Variants in PCDH9 observed in about 807,000 individuals in gnomAD.
The protein encoded by PCDH9 is protocadherin 9.
Under a neutral mutation model 70.6 loss-of-function variants are expected in PCDH9, and 24 were observed. The ratio of observed to expected loss-of-function variants is 0.34; its 90% CI spans 0.25 to 0.48. The LOEUF (loss-of-function observed/expected upper bound fraction) is 0.48, where lower values mean the gene tolerates loss of function less well. Among genes scored for constraint, PCDH9 ranks in the 20% least tolerant of loss-of-function variants. The probability of loss-of-function intolerance (pLI) is 0.99; values close to 1 mark genes in which losing one functional copy is unlikely to be tolerated. For synonymous variants in PCDH9, 562 were observed against 558.5 expected, an observed-to-expected ratio of 1.01 and a Z score of -0.09; for missense variants, 1,281 against 1,503.6, an observed-to-expected ratio of 0.85 and a Z score of 2.45.
At chr13:66,511,734 G>A (rs1959482209) in intron 4 of PCDH9, among the ~76,000 whole-genome samples, 1 of 152,076 alleles carries the variant, frequency 6.6e-6, no homozygotes, top group Non-Finnish European at 1.5e-5. Context: ...GATTCTGTAA[G>A]TGTGTGTGGT....
chr13:66,861,902 G>GA lies in PCDH9; in HGVS notation c.3138+41601dup, dbSNP rs577028552. 1.5e-4 allele frequency among the ~76,000 whole-genome samples: 23 copies of GA among 150,984 alleles called. 1 individual carries two copies. The highest frequency in any genetic ancestry group is 6.3e-4 in the South Asian group (3 of 4,776). ...AAGTTGACGGTTTCAAGCCCTTGTG[G>GA]AAAAAAAAATATTGTTATACATTTT... On this transcript the variant is annotated intron_variant, in intron 3 of 4. Transcript: ENST00000377865.
chr13:66,864,374 G>A (rs2081535488), intron 3 of PCDH9, among the ~76,000 whole-genome samples: 1 of 151,952 alleles, frequency 6.6e-6, no homozygotes, highest in Non-Finnish European at 1.5e-5. Flanking sequence ...AAGGGGGGTG[G>A]GGGGCGTGAA....
intron 4 of PCDH9, among the ~76,000 whole-genome samples, chr13:66,589,721 T>C (rs536850364): frequency 3.9e-5 from 6 of 152,152 alleles, no homozygotes; most frequent in African/African-American, 1.4e-4. Flanking sequence ...GGCTGAACTC[T>C]GGCTCTCTTA....
At chr13:66,708,096 C>G (rs1384845336) in intron 3 of PCDH9, among the ~76,000 whole-genome samples, 1 of 151,696 alleles carries the variant, frequency 6.6e-6, no homozygotes, top group East Asian at 1.9e-4. Context: ...GTCGCCCAGG[C>G]TGGAGTGCAG....
intron 4 of PCDH9, among the ~76,000 whole-genome samples, chr13:66,628,664 CTGTAA>C (rs902700806): frequency 6.6e-6 from 1 of 152,190 alleles, no homozygotes. Context: ...CCATGCCAAG[CTGTAA>C]TACATATTTA....
intron 4 of PCDH9, among the ~76,000 whole-genome samples, chr13:66,568,435 A>G (rs532088220): frequency 6.6e-6 from 1 of 151,084 alleles, no homozygotes; most frequent in East Asian, 1.9e-4. Flanking sequence ...GCACACGCAC[A>G]CGCACACACA....
chr13:66,779,849 C>CTCTCTCTCTCTCTCTCTATATATA (rs1395244975), intron 3 of PCDH9, among the ~76,000 whole-genome samples: 1 of 78,918 alleles, frequency 1.3e-5, no homozygotes, highest in African/African-American at 5.2e-5. Flanking sequence ...CTCTCTCTCT[C>CTCTCTCTCTCTCTCTCTATATATA]TATATATATA....
intron 3 of PCDH9, among the ~76,000 whole-genome samples, chr13:66,820,544 C>T (rs1475391602): frequency 6.6e-6 from 1 of 152,138 alleles, no homozygotes; most frequent in Non-Finnish European, 1.5e-5. Flanking sequence ...AAGACGGATA[C>T]ATGTGTGCAT....
At chr13:66,670,241 T>C (rs1051473838) in intron 3 of PCDH9, among the ~76,000 whole-genome samples, 3 of 152,150 alleles carry the variant, frequency 2.0e-5, no homozygotes, top group Admixed American at 1.3e-4. Flanking sequence ...ACATAATAGG[T>C]TTCAGTCAAT....
intron 3 of PCDH9, among the ~76,000 whole-genome samples, chr13:66,783,293 G>A (rs992358366): frequency 3.9e-5 from 6 of 152,014 alleles, no homozygotes; most frequent in African/African-American, 7.3e-5. Flanking sequence ...TCTATAGAGA[G>A]GAAATCTGAT....
At chr13:66,778,432 C>T (rs979902035) in intron 3 of PCDH9, among the ~76,000 whole-genome samples, 13 of 152,210 alleles carry the variant, frequency 8.5e-5, no homozygotes, top group African/African-American at 2.9e-4. Context: ...AATATTTCTT[C>T]AAGTTGCATT....
intron 2 of PCDH9, chr13:67,208,026 C>T (rs1289817464): frequency 6.6e-6 from 1 of 152,088 alleles, no homozygotes; most frequent in East Asian, 1.9e-4. Flanking sequence ...CCAGTAACAC[C>T]ATCTCTTTGT....
intron 4 of PCDH9, among the ~76,000 whole-genome samples, chr13:66,309,526 A>G (rs1955526391): frequency 6.6e-6 from 1 of 151,948 alleles, no homozygotes; most frequent in African/African-American, 2.4e-5. Context: ...TAAATATTGA[A>G]ATTTTCCAAA....
At chr13:66,966,401 G>A (rs1396884251) in intron 2 of PCDH9, among the ~76,000 whole-genome samples, 2 of 152,084 alleles carry the variant, frequency 1.3e-5, no homozygotes, top group Non-Finnish European at 2.9e-5. Context: ...CTTTAAAACA[G>A]CTAAATGAAG....
intron 3 of PCDH9, among the ~76,000 whole-genome samples, chr13:66,831,038 A>G (rs777871270): frequency 3.9e-5 from 6 of 152,230 alleles, no homozygotes; most frequent in Non-Finnish European, 7.3e-5. Flanking sequence ...ACATGAGTTT[A>G]TATCATAGCT....
chr13:66,466,979 G>C (rs75405562), intron 4 of PCDH9, among the ~76,000 whole-genome samples: 4,344 of 152,146 alleles, frequency 0.029, 199 homozygotes, highest in African/African-American at 0.099. Flanking sequence ...TCTCTCACTA[G>C]TTACTGACTC....
At chr13:66,466,407 T>C (rs1594025379) in intron 4 of PCDH9, among the ~76,000 whole-genome samples, 1 of 152,088 alleles carries the variant, frequency 6.6e-6, no homozygotes, top group South Asian at 2.1e-4. Flanking sequence ...ATGCCAGTAT[T>C]CCCTCAAGCC....
intron 3 of PCDH9, among the ~76,000 whole-genome samples, chr13:66,894,246 C>T (rs1426694271): frequency 1.3e-5 from 2 of 151,972 alleles, no homozygotes; most frequent in African/African-American, 4.8e-5. Flanking sequence ...AATATATGCA[C>T]CATACACCTA....
chr13:66,401,552 A>C (rs1675700362), intron 4 of PCDH9, among the ~76,000 whole-genome samples: 1 of 152,086 alleles, frequency 6.6e-6, no homozygotes, highest in African/African-American at 2.4e-5. Context: ...GAATGGACTC[A>C]TATGGTGGGG....
Sources: allele counts gnomAD v4.1 joint callset (sites outside exome capture counted in the v4.1 genomes callset), GRCh38; gene constraint gnomAD v4.1.1; transcripts MANE v1.5; gene names NCBI Gene and HGNC (gene_info 2026-07-23, HGNC 2026-07-21).